Variants in METAP1D observed in about 807,000 individuals in gnomAD.
METAP1D encodes the protein methionyl aminopeptidase type 1D, mitochondrial.
METAP1D carries 31 observed loss-of-function variants against 40.5 expected under a neutral mutation model. The ratio of observed to expected loss-of-function variants is 0.77; its 90% CI spans 0.58 to 1.03. METAP1D has a LOEUF of 1.03. Ranked by LOEUF, METAP1D falls within the 50% of genes least tolerant of loss-of-function variation. The pLI is 0.00. For missense variants in METAP1D, 411 were observed against 420.7 expected (o/e 0.98, Z 0.20); for synonymous variants, 151 against 146.4 (o/e 1.03, Z -0.22).
At chr2:172,076,651 T>TAA (rs1202571001) in intron 6 of METAP1D, among the ~76,000 whole-genome samples, 1 of 152,230 alleles carries the variant, frequency 6.6e-6, no homozygotes, top group African/African-American at 2.4e-5. Context: ...GAAGCTGTCT[T>TAA]ACAAGTCTGG....
At chr2:172,066,194 A>T in intron 4 of METAP1D, 70 bp from the exon 5 acceptor site, 1 of 1,269,296 alleles carries the variant, frequency 7.9e-7, no homozygotes, top group Non-Finnish European at 1.1e-6. Context: ...AGTAGTCATT[A>T]AGTATTTATT....
chr2:172,024,298 C>A (rs1392836012), intron 1 of METAP1D, among the ~76,000 whole-genome samples: 2 of 152,070 alleles, frequency 1.3e-5, no homozygotes, highest in Non-Finnish European at 2.9e-5. Context: ...CTCCTTAATT[C>A]AAAATCAGAC....
chr2:172,056,909 A>G (rs1690014143), intron 1 of METAP1D, among the ~76,000 whole-genome samples: 1 of 152,228 alleles, frequency 6.6e-6, no homozygotes, highest in Admixed American at 6.5e-5. Context: ...AAGAATTTTC[A>G]TGAAAAGTGT....
chr2:172,034,998 T>G (rs984876991), intron 1 of METAP1D, among the ~76,000 whole-genome samples: 62 of 152,038 alleles, frequency 4.1e-4, no homozygotes, highest in Middle Eastern at 6.8e-3. Context: ...TTTTTTTTTT[T>G]TTGTTGTTTT....
chr2:172,080,530 A>G lies in METAP1D; in HGVS notation c.*124A>G, dbSNP rs1336891542. ...TGCGGTAACCTGCGTGGCTCCTGATAGCGTTTGGAAGAACGCGGGGGAGAC... is the reference window on the plus strand; with the variant it reads ...TGCGGTAACCTGCGTGGCTCCTGATGGCGTTTGGAAGAACGCGGGGGAGAC... On this transcript the variant is annotated 3_prime_UTR_variant, in exon 10 of 10. Transcript: ENST00000315796. The G allele has an allele frequency of 1.5e-5, 15 of 978,884 alleles. No individual in the cohort carries two copies. Among genetic ancestry groups the G allele is most frequent in the Non-Finnish European group, 2.0e-5 (13 of 638,374 alleles). 60.6% of individuals were successfully genotyped at this position (978,884 alleles called of 1,614,324 possible).
At position 172,042,190 on chromosome 2, in the gene METAP1D, T is replaced by C. The variant is rs527386941; in HGVS notation, c.41-19308T>C. On this transcript the variant is annotated intron_variant, in intron 1 of 9. Transcript: ENST00000315796. ...ACACATATACATATGTATGTGTACATGTGTACACATATACATATGTATGTG... is the reference window on the plus strand; with the variant it reads ...ACACATATACATATGTATGTGTACACGTGTACACATATACATATGTATGTG... Among the ~76,000 whole-genome samples the C allele has an allele frequency of 8.5e-3, 666 of 78,468 alleles. 74 individuals carry two copies. The highest frequency in any genetic ancestry group is 0.025 in the African/African-American group (636 of 25,788). 51.5% of individuals were successfully genotyped at this position (78,468 alleles called of 152,430 possible).
At position 172,007,229 on chromosome 2, in the gene METAP1D, G is replaced by A. The variant is rs537090724; in HGVS notation, c.40+7220G>A. 3.3e-5 allele frequency among the ~76,000 whole-genome samples: 5 copies of A among 149,576 alleles called. No homozygotes were observed. The East Asian group carries it at 5.9e-4, about 18-fold the overall frequency. On this transcript the variant is annotated intron_variant, in intron 1 of 9. Transcript: ENST00000315796. ...CTGTCACCCAGGCTGGAGTGCAGTG[G>A]TACAATCATAGCTCACTGCAACCTC...
At chr2:172,015,074 A>C (rs1688824030) in intron 1 of METAP1D, among the ~76,000 whole-genome samples, 1 of 152,238 alleles carries the variant, frequency 6.6e-6, no homozygotes, top group Admixed American at 6.5e-5. Context: ...TTTTAAAAAC[A>C]ATTTTTATAA....
chr2:172,000,502 G>A (rs1320571035), intron 1 of METAP1D, among the ~76,000 whole-genome samples: 7 of 152,192 alleles, frequency 4.6e-5, no homozygotes, highest in Admixed American at 4.6e-4. Flanking sequence ...GTAGTTCTAA[G>A]TAGGTTTTAT....
intron 1 of METAP1D, among the ~76,000 whole-genome samples, chr2:172,007,577 G>C (rs1688616366): frequency 6.6e-6 from 1 of 151,972 alleles, no homozygotes; most frequent in Admixed American, 6.6e-5. Context: ...TAAGGTTCAT[G>C]GTCCTGCATT....
At chr2:172,049,347 A>G (rs1163556369) in intron 1 of METAP1D, among the ~76,000 whole-genome samples, 2 of 150,004 alleles carry the variant, frequency 1.3e-5, no homozygotes, top group African/African-American at 4.9e-5. Context: ...ATAAGTATAT[A>G]TATTTAAATA....
At chr2:172,015,919 A>G (rs950685626) in intron 1 of METAP1D, among the ~76,000 whole-genome samples, 1 of 151,764 alleles carries the variant, frequency 6.6e-6, no homozygotes, top group South Asian at 2.1e-4. Context: ...GTGCCACTGC[A>G]CTCCAGCCTG....
chr2:172,020,482 G>C, intron 1 of METAP1D, among the ~76,000 whole-genome samples: 1 of 152,194 alleles, frequency 6.6e-6, no homozygotes, highest in Non-Finnish European at 1.5e-5. Flanking sequence ...GAGTAAGGTA[G>C]ATAAGTAGAA....
At chr2:172,079,155 G>GTT (rs3841389) in intron 7 of METAP1D, 60 bp from the exon 8 acceptor site, 470 of 1,371,928 alleles carry the variant, frequency 3.4e-4, no homozygotes, top group East Asian at 2.6e-3. Flanking sequence ...CCTGTAATCT[G>GTT]TTTTTTTTTT....
At chr2:172,046,399 G>A (rs1689766682) in intron 1 of METAP1D, among the ~76,000 whole-genome samples, 1 of 152,142 alleles carries the variant, frequency 6.6e-6, no homozygotes, top group Non-Finnish European at 1.5e-5. Context: ...TACAGCTTAA[G>A]TGTGGGAGGC....
chr2:172,019,077 C>A (rs933806097), intron 1 of METAP1D, among the ~76,000 whole-genome samples: 2 of 152,144 alleles, frequency 1.3e-5, no homozygotes, highest in Admixed American at 6.5e-5. Context: ...AGAAGCCAGG[C>A]GCAGTGGCTC....
At chr2:172,041,571 T>G (rs79566964) in intron 1 of METAP1D, among the ~76,000 whole-genome samples, 2,046 of 126,274 alleles carry the variant, frequency 0.016, 193 homozygotes, top group African/African-American at 0.051. Flanking sequence ...TGTAGATCTA[T>G]ATTGTTTTGT....
intron 6 of METAP1D, among the ~76,000 whole-genome samples, chr2:172,073,104 C>A (rs1272832827): frequency 1.3e-5 from 2 of 152,182 alleles, no homozygotes; most frequent in Admixed American, 6.5e-5. Flanking sequence ...ATCAACACTA[C>A]AATTTTCCAT....
intron 5 of METAP1D, among the ~76,000 whole-genome samples, chr2:172,067,906 TAA>T (rs1208930038): frequency 6.6e-6 from 1 of 152,238 alleles, no homozygotes; most frequent in East Asian, 1.9e-4. Flanking sequence ...AATATTTTAT[TAA>T]GTGAAGGACT....
Sources: gnomAD v4.1 joint callset for allele counts (sites outside exome capture counted in the v4.1 genomes callset) on GRCh38, gnomAD v4.1.1 for gene constraint, MANE v1.5 for transcripts, NCBI Gene and HGNC (gene_info 2026-07-23, HGNC 2026-07-21) for gene names.